NPAS3: variants seen among roughly 807,000 people sequenced by gnomAD.
The protein encoded by NPAS3 is neuronal PAS domain-containing protein 3.
NPAS3 carries 14 observed loss-of-function variants against 73.1 expected under a neutral mutation model. The ratio of observed to expected loss-of-function variants is 0.19; its 90% CI spans 0.13 to 0.30. The LOEUF is 0.30. Among genes scored for constraint, NPAS3 ranks in the 10% least tolerant of loss-of-function variants. The probability of loss-of-function intolerance (pLI) is 1.00; values close to 1 mark genes in which losing one functional copy is unlikely to be tolerated. For synonymous variants in NPAS3, 620 were observed against 541.5 expected, an observed-to-expected ratio of 1.14 and a Z score of -2.01; for missense variants, 1,096 against 1,250.0, an observed-to-expected ratio of 0.88 and a Z score of 1.86.
chr14:33,437,730 A>T (rs1410001271), intron 4 of NPAS3, among the ~76,000 whole-genome samples: 1 of 152,224 alleles, frequency 6.6e-6, no homozygotes, highest in Non-Finnish European at 1.5e-5. Flanking sequence ...CCACATAGAC[A>T]CTGTCAAATC....
chr14:33,109,560 T>C (rs2042823982), intron 2 of NPAS3, among the ~76,000 whole-genome samples: 1 of 152,070 alleles, frequency 6.6e-6, no homozygotes, highest in South Asian at 2.1e-4. Flanking sequence ...AAATACTGCA[T>C]TTGATATTGC....
intron 3 of NPAS3, among the ~76,000 whole-genome samples, chr14:33,282,347 T>C (rs2041662758): frequency 6.6e-6 from 1 of 152,196 alleles, no homozygotes; most frequent in Non-Finnish European, 1.5e-5. Flanking sequence ...GCCTGGCAGC[T>C]GGTGATGCAT....
chr14:33,722,442 T>C (rs973989598), intron 6 of NPAS3, among the ~76,000 whole-genome samples: 3 of 152,170 alleles, frequency 2.0e-5, no homozygotes, highest in African/African-American at 7.2e-5. Flanking sequence ...CCCCTCCACT[T>C]GGGAAGATTA....
At chr14:33,391,186 T>A (rs1343190023) in intron 4 of NPAS3, among the ~76,000 whole-genome samples, 1 of 134,920 alleles carries the variant, frequency 7.4e-6, no homozygotes, top group East Asian at 2.5e-4. Context: ...TTGGCCCATA[T>A]CTTTTTTTTT....
upstream of NPAS3, among the ~76,000 whole-genome samples, chr14:32,938,624 C>A (rs938155123): frequency 1.3e-5 from 2 of 151,728 alleles, no homozygotes; most frequent in African/African-American, 4.8e-5. Flanking sequence ...CTGGAACCCC[C>A]CGCGTGTCCT....
chr14:33,064,246 A>AAGTG (rs1335533668), intron 2 of NPAS3, among the ~76,000 whole-genome samples: 1 of 152,230 alleles, frequency 6.6e-6, no homozygotes, highest in East Asian at 1.9e-4. Context: ...GTATTATTTA[A>AAGTG]AAAGTATATA....
chr14:33,055,885 T>C lies in NPAS3; in HGVS notation c.51-20T>C, dbSNP rs1171845533. On this transcript the variant is annotated intron_variant, in intron 1 of 11. Coordinates refer to ENST00000356141, the Ensembl canonical transcript of NPAS3. Reference sequence around the variant, plus strand: ...TAGAGAATCTCTAGTCATGTCTATCTGTTTTTGATGCCTCTACAGAATAAC... The same window carrying C: ...TAGAGAATCTCTAGTCATGTCTATCCGTTTTTGATGCCTCTACAGAATAAC... 1.3e-6 allele frequency: 1 copy of C among 792,464 alleles called. No homozygotes were observed. The highest frequency in any genetic ancestry group is 2.7e-5 in the East Asian group (1 of 37,642). 49.1% of individuals were successfully genotyped at this position (792,464 alleles called of 1,614,324 possible).
chr14:33,751,222 A>G (rs1234791618), intron 7 of NPAS3, among the ~76,000 whole-genome samples: 7 of 152,232 alleles, frequency 4.6e-5, no homozygotes, highest in Admixed American at 4.6e-4. Flanking sequence ...TAAGAGAAAG[A>G]GCATTATTTT....
intron 2 of NPAS3, among the ~76,000 whole-genome samples, chr14:33,108,143 A>T (rs2042778931): frequency 6.6e-6 from 1 of 151,762 alleles, no homozygotes. Flanking sequence ...AAAAAGTAGA[A>T]TTTAGAAATC....
At chr14:33,120,544 T>C (rs1378598115) in intron 2 of NPAS3, among the ~76,000 whole-genome samples, 1 of 151,962 alleles carries the variant, frequency 6.6e-6, no homozygotes, top group Non-Finnish European at 1.5e-5. Context: ...TGTTCAAGTG[T>C]TCAGTTTTCA....
chr14:33,067,495 T>G lies in NPAS3; in HGVS notation c.140+11501T>G, dbSNP rs138862414. ...TAAGCCCTCTTTCCAAACTCTAGTT[T>G]TCTATTTTCAAACTACTTGACCTTT... On this transcript the variant is annotated intron_variant, in intron 2 of 11. Transcript: ENST00000356141. 6.3e-3 allele frequency among the ~76,000 whole-genome samples: 958 copies of G among 152,342 alleles called. 6 individuals are homozygous for G. The highest frequency in any genetic ancestry group is 0.01 in the Non-Finnish European group (687 of 68,026).
intron 2 of NPAS3, among the ~76,000 whole-genome samples, chr14:33,135,459 G>A (rs2043796746): frequency 6.6e-6 from 1 of 152,100 alleles, no homozygotes; most frequent in African/African-American, 2.4e-5. Flanking sequence ...TTAAAAATAA[G>A]ACATTCAATG....
At chr14:33,497,404 A>C (rs570750026) in intron 4 of NPAS3, among the ~76,000 whole-genome samples, 2 of 152,224 alleles carry the variant, frequency 1.3e-5, no homozygotes, top group East Asian at 1.9e-4. Flanking sequence ...AATCCTAAGC[A>C]AAAAGAACAA....
intron 2 of NPAS3, among the ~76,000 whole-genome samples, chr14:33,173,867 T>G (rs1327674696): frequency 6.6e-6 from 1 of 152,214 alleles, no homozygotes; most frequent in East Asian, 1.9e-4. Flanking sequence ...TCCTGGTAAT[T>G]CTGTTGTATT....
intron 2 of NPAS3, among the ~76,000 whole-genome samples, chr14:33,113,880 T>G (rs1275754553): frequency 6.6e-6 from 1 of 152,076 alleles, no homozygotes; most frequent in African/African-American, 2.4e-5. Context: ...AGCATGAAGG[T>G]TGTTGAATTT....
intron 3 of NPAS3, among the ~76,000 whole-genome samples, chr14:33,250,400 A>G (rs914436051): frequency 2.6e-5 from 4 of 152,086 alleles, no homozygotes; most frequent in Non-Finnish European, 2.9e-5. Flanking sequence ...TTTGGTTCCA[A>G]TTTGCCAGCA....
At chr14:33,055,939 G>C (rs2040871944) in exon 2 of NPAS3, 2 of 810,258 alleles carry the variant, frequency 2.5e-6, no homozygotes, top group East Asian at 5.3e-5. Flanking sequence ...CAACCAATCA[G>C]AATGTAGGAA....
intron 5 of NPAS3, among the ~76,000 whole-genome samples, chr14:33,646,648 T>C (rs190145595): frequency 6.6e-6 from 1 of 152,328 alleles, no homozygotes; most frequent in African/African-American, 2.4e-5. Context: ...TGTTTTCAAA[T>C]TGTCCAAGTT....
chr14:33,135,265 A>G (rs1337694732), intron 2 of NPAS3, among the ~76,000 whole-genome samples: 1 of 152,154 alleles, frequency 6.6e-6, no homozygotes, highest in Non-Finnish European at 1.5e-5. Context: ...GGACAAACCA[A>G]TGTTGACCTT....
Sources: allele counts gnomAD v4.1 joint callset (sites outside exome capture counted in the v4.1 genomes callset), GRCh38; gene constraint gnomAD v4.1.1; transcripts MANE v1.5; gene names NCBI Gene and HGNC (gene_info 2026-07-23, HGNC 2026-07-21).